CDH4: variants seen among roughly 807,000 people sequenced by gnomAD.
CDH4 encodes the protein cadherin-4.
A neutral mutation model predicts 86.0 loss-of-function variants in CDH4; 33 were observed. That is an observed-to-expected ratio of 0.38 (90% CI 0.29 to 0.51). CDH4 has a LOEUF of 0.51. Among genes scored for constraint, CDH4 ranks in the 20% least tolerant of loss-of-function variants. The probability of loss-of-function intolerance (pLI) is 0.86; values close to 1 mark genes in which losing one functional copy is unlikely to be tolerated. For missense variants in CDH4, 1,114 were observed against 1,307.4 expected (o/e 0.85, Z 2.28); for synonymous variants, 555 against 549.4 (o/e 1.01, Z -0.14).
intron 2 of CDH4, among the ~76,000 whole-genome samples, chr20:61,275,677 C>T (rs932984058): frequency 5.7e-5 from 8 of 141,390 alleles, no homozygotes; most frequent in African/African-American, 8.1e-5. Context: ...GGGGGGAGTA[C>T]CGTGTGCAGT....
intron 2 of CDH4, among the ~76,000 whole-genome samples, chr20:61,662,084 C>G (rs183262867): frequency 6.6e-6 from 1 of 152,270 alleles, no homozygotes; most frequent in Admixed American, 6.5e-5. Context: ...TGGGATTTAC[C>G]TCCAAGAAGC....
intron 2 of CDH4, among the ~76,000 whole-genome samples, chr20:61,635,920 G>A (rs143904708): frequency 0.014 from 2,076 of 152,284 alleles, 56 homozygotes; most frequent in African/African-American, 0.048. Context: ...TAGTGGCAGT[G>A]GGGGCTTCCC....
chr20:61,673,234 C>A (rs1003620838), intron 2 of CDH4, among the ~76,000 whole-genome samples: 9 of 152,200 alleles, frequency 5.9e-5, no homozygotes, highest in Admixed American at 5.2e-4. Flanking sequence ...GGCCACCAGA[C>A]TTGTGGTTAT....
chr20:61,327,305 A>G (rs1316452632), intron 2 of CDH4, among the ~76,000 whole-genome samples: 4 of 152,218 alleles, frequency 2.6e-5, no homozygotes, highest in African/African-American at 4.8e-5. Context: ...TTTTAAATAT[A>G]TTTGACAATT....
intron 2 of CDH4, among the ~76,000 whole-genome samples, chr20:61,282,547 A>ATGTGTGTGTGCGTGTG (rs2084264817): frequency 7.7e-6 from 1 of 130,122 alleles, no homozygotes; most frequent in African/African-American, 2.8e-5. Flanking sequence ...GTGTGTGTGC[A>ATGTGTGTGTGCGTGTG]TGTGTGTGTG....
At chr20:61,473,662 A>C (rs983318493) in intron 2 of CDH4, among the ~76,000 whole-genome samples, 1 of 152,236 alleles carries the variant, frequency 6.6e-6, no homozygotes, top group Non-Finnish European at 1.5e-5. Flanking sequence ...TATGGAGAAT[A>C]AAGTCCACCA....
At chr20:61,799,636 G>A (rs1444919945) in intron 4 of CDH4, among the ~76,000 whole-genome samples, 1 of 152,194 alleles carries the variant, frequency 6.6e-6, no homozygotes, top group Non-Finnish European at 1.5e-5. Flanking sequence ...CCTGGGCACT[G>A]GGGATAGGAG....
chr20:61,331,635 AGAC>A (rs2084576957), intron 2 of CDH4, among the ~76,000 whole-genome samples: 4 of 7,520 alleles, frequency 5.3e-4, no homozygotes, highest in East Asian at 4.3e-3. Context: ...CTCCTGCCCC[AGAC>A]CCACCTCCCG....
chr20:61,372,196 A>G (rs1046852956), intron 2 of CDH4, among the ~76,000 whole-genome samples: 24 of 152,252 alleles, frequency 1.6e-4, no homozygotes, highest in African/African-American at 5.5e-4. Flanking sequence ...GCCAAACTCC[A>G]TGTCTTCCTG....
intron 2 of CDH4, among the ~76,000 whole-genome samples, chr20:61,612,838 G>A (rs2086695407): frequency 6.6e-6 from 1 of 152,120 alleles, no homozygotes; most frequent in Admixed American, 6.5e-5. Context: ...GTGTGAGGTA[G>A]GGATTGCACA....
rs565882177 is a variant in CDH4 at position 61,655,127 on chromosome 20, G to A, written c.170-88436G>A. Among the ~76,000 whole-genome samples the A allele has an allele frequency of 3.3e-5, 5 of 152,358 alleles. No individual in the cohort carries two copies. In the East Asian group the frequency reaches 9.6e-4, roughly 29 times the overall value. ...TATATTAATAGCATGTGTATGTGTG[G>A]TAGGTACACACACGTAATTATGTAT... On this transcript the variant is annotated intron_variant, in intron 2 of 15. Coordinates refer to ENST00000614565, the MANE Select transcript of CDH4 (RefSeq NM_001794.5).
intron 4 of CDH4, among the ~76,000 whole-genome samples, chr20:61,812,893 G>A (rs1227611422): frequency 1.3e-5 from 2 of 152,132 alleles, no homozygotes; most frequent in African/African-American, 2.4e-5. Context: ...AACAGATGAG[G>A]AAAAATCACA....
intron 3 of CDH4, among the ~76,000 whole-genome samples, chr20:61,744,369 A>AGAGGGAGAGAGAGAAG: frequency 6.7e-6 from 1 of 148,926 alleles, no homozygotes; most frequent in Non-Finnish European, 1.5e-5. Context: ...GGAGAGGAAG[A>AGAGGGAGAGAGAGAAG]GAGGGAGAGA....
intron 2 of CDH4, among the ~76,000 whole-genome samples, chr20:61,343,398 A>G (rs1457200614): frequency 3.3e-5 from 5 of 152,228 alleles, no homozygotes; most frequent in Non-Finnish European, 7.3e-5. Flanking sequence ...GAAAAGAACA[A>G]TATTTAACTA....
At chr20:61,594,606 G>A (rs192925716) in intron 2 of CDH4, among the ~76,000 whole-genome samples, 2 of 152,286 alleles carry the variant, frequency 1.3e-5, no homozygotes, top group East Asian at 1.9e-4. Flanking sequence ...ACCTGCTGCC[G>A]CCTTTTTCTA....
At chr20:61,418,920 A>T (rs1198348903) in intron 2 of CDH4, among the ~76,000 whole-genome samples, 1 of 151,724 alleles carries the variant, frequency 6.6e-6, no homozygotes, top group African/African-American at 2.4e-5. Context: ...TGGCCACATC[A>T]CTCCAATCTC....
At chr20:61,579,285 A>ATTTTTT (rs11483950) in intron 2 of CDH4, among the ~76,000 whole-genome samples, 1 of 129,572 alleles carries the variant, frequency 7.7e-6, no homozygotes, top group Non-Finnish European at 1.6e-5. Flanking sequence ...CTCGATGGAG[A>ATTTTTT]TTTTTTTTTT....
In CDH4 at chr20:61,663,873, C is replaced by T. The variant is rs916902081; in HGVS notation, c.170-79690C>T. ...CCAGCTCCCTCGAGGCCGCCCTGGC[C>T]CTCCACACTCCCACCGCTGGCGCCA... On this transcript the variant is annotated intron_variant, in intron 2 of 15. Coordinates refer to ENST00000614565, the MANE Select transcript of CDH4 (RefSeq NM_001794.5). The surrounding 1 kb of genome is among the most constrained non-coding windows in gnomAD (Gnocchi z 5.0). Among the ~76,000 whole-genome samples the T allele has an allele frequency of 1.3e-5, 2 of 152,096 alleles. No individual in the cohort carries two copies. The highest frequency in any genetic ancestry group is 4.8e-5 in the African/African-American group (2 of 41,392).
At chr20:61,780,765 A>G (rs998622803) in intron 4 of CDH4, among the ~76,000 whole-genome samples, 1 of 152,184 alleles carries the variant, frequency 6.6e-6, no homozygotes, top group African/African-American at 2.4e-5. Flanking sequence ...GCTCGAAGGG[A>G]GAAAATGGCA....
Sources: gnomAD v4.1 joint callset for allele counts (sites outside exome capture counted in the v4.1 genomes callset) on GRCh38, gnomAD v4.1.1 for gene constraint, Gnocchi (gnomAD v3.1) non-coding constraint, MANE v1.5 for transcripts, NCBI Gene and HGNC (gene_info 2026-07-23, HGNC 2026-07-21) for gene names.